Variants in CACNA1C observed in about 807,000 individuals in gnomAD.
CACNA1C encodes the protein calcium voltage-gated channel subunit alpha1 C.
CACNA1C carries 30 observed loss-of-function variants against 229.0 expected under a neutral mutation model. The observed-to-expected ratio is 0.13, with a 90% CI of 0.10 to 0.18. The LOEUF (loss-of-function observed/expected upper bound fraction) is 0.18, where lower values mean the gene tolerates loss of function less well. Among genes scored for constraint, CACNA1C ranks in the 10% least tolerant of loss-of-function variants. The pLI, the probability that CACNA1C is intolerant of heterozygous loss-of-function variation, is 1.00. For synonymous variants in CACNA1C, 1,114 were observed against 1,132.5 expected (o/e 0.98, Z 0.33); for missense variants, 1,658 against 2,845.0 (o/e 0.58, Z 9.49).
intron 11 of CACNA1C, among the ~76,000 whole-genome samples, chr12:2,559,178 G>T (rs1201734393): frequency 6.6e-6 from 1 of 152,092 alleles, no homozygotes; most frequent in Non-Finnish European, 1.5e-5. Context: ...CAGTTCCAAA[G>T]CCCCCACACA....
intron 29 of CACNA1C, among the ~76,000 whole-genome samples, chr12:2,616,684 A>G (rs1315421049): frequency 6.6e-6 from 1 of 152,184 alleles, no homozygotes; most frequent in Non-Finnish European, 1.5e-5. Context: ...AGACTTCCCC[A>G]TCAGCATTTT....
intron 1 of CACNA1C, among the ~76,000 whole-genome samples, chr12:2,105,663 A>C (rs767130109): frequency 3.0e-5 from 1 of 33,616 alleles, no homozygotes. Context: ...TCAGCTGGGC[A>C]TCCTGAAGCC....
At chr12:2,150,462 C>G (rs2095137586) in intron 3 of CACNA1C, among the ~76,000 whole-genome samples, 1 of 152,110 alleles carries the variant, frequency 6.6e-6, no homozygotes, top group Non-Finnish European at 1.5e-5. Flanking sequence ...GAATGCTCAC[C>G]AAAGAAGAAC....
chr12:2,494,387 C>T (rs1036448559), intron 7 of CACNA1C, among the ~76,000 whole-genome samples: 1 of 152,248 alleles, frequency 6.6e-6, no homozygotes, highest in Admixed American at 6.5e-5. Context: ...TTCATAGTGT[C>T]TCCAACTTCA....
intron 13 of CACNA1C, among the ~76,000 whole-genome samples, chr12:2,581,156 C>A (rs1241827707): frequency 1.3e-5 from 2 of 152,204 alleles, no homozygotes; most frequent in Non-Finnish European, 2.9e-5. Flanking sequence ...TGATTACCAA[C>A]CTTTATCAAC....
intron 13 of CACNA1C, among the ~76,000 whole-genome samples, chr12:2,578,079 A>G (rs540194502): frequency 1.4e-4 from 22 of 152,040 alleles, no homozygotes; most frequent in South Asian, 4.2e-4. Flanking sequence ...CGTGTTAGCC[A>G]GGATGGTCTC....
intron 1 of CACNA1C, among the ~76,000 whole-genome samples, chr12:2,063,445 A>G (rs1015067865): frequency 2.6e-5 from 4 of 152,208 alleles, no homozygotes; most frequent in Non-Finnish European, 4.4e-5. Flanking sequence ...CACTGTGCCC[A>G]GCCAACAGCA....
chr12:2,654,522 C>T lies in CACNA1C; in HGVS notation c.4140+622C>T, dbSNP rs3794293. On this transcript the variant is annotated intron_variant, in intron 33 of 46. Coordinates refer to ENST00000399655, the MANE Select transcript of CACNA1C (RefSeq NM_000719.7). The surrounding 1 kb of genome is among the most constrained non-coding windows in gnomAD (Gnocchi z 4.4). ...AGTCCCAAGGCCAAACTTGGCAGGG[C>T]GCCCACACTAGCCCAAAGCGCTTCC... Among the ~76,000 whole-genome samples, 16 of 152,318 alleles carry T rather than the reference C, an allele frequency of 1.1e-4. No individual in the cohort carries two copies. The East Asian group carries it at 3.1e-3, about 29-fold the overall frequency.
rs1361065833 is a variant in CACNA1C, at chr12:2,678,562, G to C, written c.5091+695G>C. On this transcript the variant is annotated intron_variant, in intron 41 of 46. Coordinates refer to ENST00000399655, the MANE Select transcript of CACNA1C (RefSeq NM_000719.7). The surrounding 1 kb of genome is among the most constrained non-coding windows in gnomAD (Gnocchi z 4.1). Reference sequence around the variant, plus strand: ...AAGGGAGAAGCTGCCAGCCATAATTGTGCAGGACCCTGCTCACACCGCTCT... The same window carrying C: ...AAGGGAGAAGCTGCCAGCCATAATTCTGCAGGACCCTGCTCACACCGCTCT... Among the ~76,000 whole-genome samples the C allele has an allele frequency of 1.3e-5, 2 of 152,236 alleles. No individual in the cohort carries two copies. The highest frequency in any genetic ancestry group is 2.9e-5 in the Non-Finnish European group (2 of 68,042).
At chr12:2,245,641 A>G (rs1041697173) in intron 3 of CACNA1C, among the ~76,000 whole-genome samples, 6 of 152,196 alleles carry the variant, frequency 3.9e-5, no homozygotes, top group African/African-American at 1.4e-4. Flanking sequence ...ATTTCTCTGT[A>G]ATTCTGAAAT....
At chr12:2,338,651 G>C (rs750718871) in intron 3 of CACNA1C, among the ~76,000 whole-genome samples, 11 of 152,320 alleles carry the variant, frequency 7.2e-5, no homozygotes, top group Admixed American at 2.0e-4. Flanking sequence ...GGTTGGCAAG[G>C]TTGGTGTGAA....
At chr12:2,556,896 T>C (rs1439769485) in intron 10 of CACNA1C, 55 bp from the exon 11 acceptor site, 15 of 1,504,256 alleles carry the variant, frequency 1.0e-5, no homozygotes, top group Non-Finnish European at 1.4e-5. Flanking sequence ...GTTGACCGTC[T>C]TTTAAATGCA....
intron 3 of CACNA1C, among the ~76,000 whole-genome samples, chr12:2,407,353 C>T (rs978031212): frequency 2.7e-5 from 3 of 111,210 alleles, no homozygotes; most frequent in Non-Finnish European, 3.9e-5. Context: ...GATAAGTGTG[C>T]AGTGGACATC....
chr12:1,989,720 A>G (rs1374802803), intron 1 of CACNA1C, among the ~76,000 whole-genome samples: 1 of 152,252 alleles, frequency 6.6e-6, no homozygotes, highest in Non-Finnish European at 1.5e-5. Flanking sequence ...TCTCAATTGA[A>G]AAAGCAAGAA....
At chr12:2,549,570 G>C (rs2099892727) in intron 9 of CACNA1C, among the ~76,000 whole-genome samples, 1 of 152,226 alleles carries the variant, frequency 6.6e-6, no homozygotes, top group African/African-American at 2.4e-5. Context: ...TTTCATGAAA[G>C]CTCCTCTTTC....
chr12:2,240,291 G>C (rs2069383024), intron 3 of CACNA1C, among the ~76,000 whole-genome samples: 1 of 152,192 alleles, frequency 6.6e-6, no homozygotes, highest in Admixed American at 6.5e-5. Context: ...GTGGATGCTG[G>C]TTGCAGACAT....
At position 2,633,509 on chromosome 12, in the gene CACNA1C, C is replaced by A. The variant is rs2091475716; in HGVS notation, c.3829-788C>A. The A allele has an allele frequency of 2.8e-6, 2 of 717,806 alleles. No homozygotes were observed. Among genetic ancestry groups the A allele is most frequent in the Non-Finnish European group, 5.0e-6 (2 of 397,550 alleles). The allele number at this position is 717,806 out of a possible 1,614,324, so 44.5% of individuals were successfully genotyped here. ...GGGCTCCTGGCCATGGTGAGGGCGT[C>A]CGGAACTCCAGAGGCAACACGGAGG... On this transcript the variant is annotated intron_variant, in intron 29 of 46. Transcript: ENST00000399655. This position sits in a 1 kb window ranked among gnomAD's most constrained non-coding sequence, Gnocchi z 5.8.
chr12:2,419,050 G>C (rs1421426154), intron 3 of CACNA1C, among the ~76,000 whole-genome samples: 1 of 152,228 alleles, frequency 6.6e-6, no homozygotes, highest in Non-Finnish European at 1.5e-5. Flanking sequence ...TCATTTTACA[G>C]ATTAGAAAAC....
intron 3 of CACNA1C, among the ~76,000 whole-genome samples, chr12:2,263,650 T>C (rs2081214534): frequency 1.3e-5 from 2 of 151,940 alleles, no homozygotes; most frequent in African/African-American, 4.8e-5. Context: ...GCTAGATCCT[T>C]GATACATTCT....
Sources: gnomAD v4.1 joint callset for allele counts (sites outside exome capture counted in the v4.1 genomes callset) on GRCh38, gnomAD v4.1.1 for gene constraint, Gnocchi (gnomAD v3.1) non-coding constraint, MANE v1.5 for transcripts, NCBI Gene and HGNC (gene_info 2026-07-23, HGNC 2026-07-21) for gene names.